Variants in ZNF727 observed in about 807,000 individuals in gnomAD.
ZNF727 encodes the protein putative zinc finger protein 727.
ZNF727 carries 11 observed loss-of-function variants against 11.5 expected under a neutral mutation model. The ratio of observed to expected loss-of-function variants is 0.95; its 90% confidence interval spans 0.60 to 1.58. The LOEUF is 1.58. Among genes scored for constraint, ZNF727 ranks in the 40% most tolerant of loss-of-function variants. The pLI, the probability that ZNF727 is intolerant of heterozygous loss-of-function variation, is 0.00. For missense variants in ZNF727, 533 were observed against 581.7 expected (o/e 0.92, Z 0.86); for synonymous variants, 171 against 196.1 (o/e 0.87, Z 1.07).
chr7:64,050,658 G>T (rs1423960008), intron 1 of ZNF727, among the ~76,000 whole-genome samples: 1 of 152,094 alleles, frequency 6.6e-6, no homozygotes, highest in Non-Finnish European at 1.5e-5. Context: ...GAAGAAACAG[G>T]CACATAGAGA....
At chr7:64,072,901 G>A (rs1328118629) in intron 3 of ZNF727, among the ~76,000 whole-genome samples, 4 of 151,928 alleles carry the variant, frequency 2.6e-5, no homozygotes, top group Admixed American at 2.0e-4. Flanking sequence ...GGGTCTCACC[G>A]TATCACCCAG....
rs181996889 is a variant in ZNF727 at position 64,080,138 on chromosome 7, T to C, written c.*1589T>C. ...ATCTCATGATTATGTATCTTGGGGA[T>C]GACCTTCTCGTGGGGTATATTATTG... On this transcript the variant is annotated 3_prime_UTR_variant, in exon 4 of 4. Coordinates refer to ENST00000456806, the MANE Select transcript of ZNF727 (RefSeq NM_001159522.3). Among the ~76,000 whole-genome samples, 87 of 152,280 alleles carry C rather than the reference T, an allele frequency of 5.7e-4. No individual in the cohort carries two copies. The highest frequency in any genetic ancestry group is 2.0e-3 in the African/African-American group (85 of 41,572).
rs117570381 is a variant in ZNF727, at chr7:64,078,755, C to T, written c.*206C>T. The stretch of plus-strand genomic sequence containing the variant: ...AGAGACCTTACAAATGTGAAGAATG[C>T]GGCAAAACCTGTGTTTCTCAGACCT... On this transcript the variant is annotated 3_prime_UTR_variant, in exon 4 of 4. Coordinates refer to ENST00000456806, the MANE Select transcript of ZNF727 (RefSeq NM_001159522.3). Among the ~76,000 whole-genome samples, 1,861 of 150,418 alleles carry T rather than the reference C, an allele frequency of 0.012. 55 individuals are homozygous for T. The highest frequency in any genetic ancestry group is 0.08 in the East Asian group (399 of 4,980).
rs192910512 is a variant in ZNF727, at chr7:64,066,521, C to T, written c.4-2370C>T. Reference sequence around the variant, plus strand: ...CGCATATCTGCAGCCATCTGATCTTCGATAAACCTGACAAAAACAAGCAAT... The same window carrying T: ...CGCATATCTGCAGCCATCTGATCTTTGATAAACCTGACAAAAACAAGCAAT... On this transcript the variant is annotated intron_variant, in intron 1 of 3. Transcript: ENST00000456806. 2.5e-3 allele frequency among the ~76,000 whole-genome samples: 377 copies of T among 152,052 alleles called. 1 individual carries two copies. Among genetic ancestry groups the T allele is most frequent in the African/African-American group, 8.3e-3 (343 of 41,496 alleles).
chr7:64,045,825 A>G (rs912563768), intron 1 of ZNF727, among the ~76,000 whole-genome samples: 5 of 152,120 alleles, frequency 3.3e-5, no homozygotes, highest in African/African-American at 1.2e-4. Flanking sequence ...TGTTTTGTCC[A>G]TAAACGCGAA....
At chr7:64,059,445 C>G (rs901271684) in intron 1 of ZNF727, among the ~76,000 whole-genome samples, 10 of 152,294 alleles carry the variant, frequency 6.6e-5, no homozygotes, top group African/African-American at 2.4e-4. Flanking sequence ...ACTTAACTTT[C>G]AGCTATGAAG....
chr7:64,059,119 A>AT (rs1584145340), intron 1 of ZNF727, among the ~76,000 whole-genome samples: 1 of 151,936 alleles, frequency 6.6e-6, no homozygotes, highest in East Asian at 1.9e-4. Context: ...TAATTTTTGT[A>AT]TTTTTAATAG....
At chr7:64,055,190 T>A (rs1789663519) in intron 1 of ZNF727, among the ~76,000 whole-genome samples, 1 of 152,148 alleles carries the variant, frequency 6.6e-6, no homozygotes, top group Admixed American at 6.5e-5. Flanking sequence ...AGGCTGAGGT[T>A]CGCGGATCAC....
At position 64,063,294 on chromosome 7, in the gene ZNF727, G is replaced by A. The variant is rs112361898; in HGVS notation, c.4-5597G>A. On this transcript the variant is annotated intron_variant, in intron 1 of 3. Coordinates refer to ENST00000456806, the MANE Select transcript of ZNF727 (RefSeq NM_001159522.3). ...AAGTATTCAAAGGGAATCGAGTGTT[G>A]TAATCTAAGTCTTTGATCATTGCAG... Among the ~76,000 whole-genome samples the A allele has an allele frequency of 4.7e-3, 718 of 152,230 alleles. 3 individuals are homozygous for A. Among genetic ancestry groups the A allele is most frequent in the African/African-American group, 0.017 (686 of 41,528 alleles).
chr7:64,069,635 G>A (rs1789928752), intron 3 of ZNF727, 26 bp downstream of exon 3: 2 of 1,510,954 alleles, frequency 1.3e-6, no homozygotes, highest in Non-Finnish European at 1.8e-6. Context: ...TGAAGCAAAT[G>A]ACATAAATGA....
At position 64,078,457 on chromosome 7, in the gene ZNF727, C is replaced by T; in HGVS notation, c.1408C>T (p.His470Tyr). ...TACCTGCTCCTCAAGCCTTATTAAA[C>T]ACAAGAGAAGTCATACTGGAGACAG... Reference protein sequence around the residue: ...TFTCSSSLIKHKRSHTGDRPT... With the variant: ...TFTCSSSLIKYKRSHTGDRPT... Residue 470 changes from histidine (H) to tyrosine (Y), a missense_variant, in exon 4 of 4, where the codon CAC (histidine) becomes TAC (tyrosine). By Grantham distance (83) the His-to-Tyr change is moderately conservative. Around this residue, in one of 3 missense-constraint regions of ZNF727, gnomAD observed 54 missense variants for 48.6 expected, o/e 1.11. Coordinates refer to ENST00000456806, the MANE Select transcript of ZNF727 (RefSeq NM_001159522.3). 3.2e-6 allele frequency: 5 copies of T among 1,574,180 alleles called. No homozygotes were observed. The highest frequency in any genetic ancestry group is 3.4e-6 in the Non-Finnish European group (4 of 1,159,456).
chr7:64,072,472 A>T lies in ZNF727; in HGVS notation c.226+2863A>T, dbSNP rs149484763. Among the ~76,000 whole-genome samples the T allele has an allele frequency of 3.6e-3, 542 of 152,172 alleles. 1 individual carries two copies. The highest frequency in any genetic ancestry group is 0.012 in the African/African-American group (516 of 41,536). ...TGTTTCTTACTGAGTATGTGGCAGG[A>T]TTTCCTCAGGTCACTCTCTGGGCAC... On this transcript the variant is annotated intron_variant, in intron 3 of 3. Coordinates refer to ENST00000456806, the MANE Select transcript of ZNF727 (RefSeq NM_001159522.3).
At position 64,062,685 on chromosome 7, in the gene ZNF727, A is replaced by AATAT. The variant is rs71057374; in HGVS notation, c.4-6191_4-6188dup. Among the ~76,000 whole-genome samples, 711 of 89,986 alleles carry AATAT rather than the reference A, an allele frequency of 7.9e-3. 68 individuals carry two copies. Among genetic ancestry groups the AATAT allele is most frequent in the South Asian group, 0.058 (165 of 2,832 alleles). The allele number at this position is 89,986 out of a possible 152,430, so 59.0% of individuals were successfully genotyped here. On this transcript the variant is annotated intron_variant, in intron 1 of 3. Coordinates refer to ENST00000456806, the MANE Select transcript of ZNF727 (RefSeq NM_001159522.3). ...GCATTCTATAACCTTCTTGTACTTG[A>AATAT]ATATATATATATATATATGAAGTTC...
intron 3 of ZNF727, among the ~76,000 whole-genome samples, chr7:64,070,115 G>A (rs1368805877): frequency 5.3e-5 from 8 of 151,934 alleles, no homozygotes; most frequent in Non-Finnish European, 1.2e-4. Flanking sequence ...ATTCTATGGA[G>A]GCTTCAAATG....
In ZNF727 at chr7:64,080,239, T is replaced by TA. The variant is rs1367054034; in HGVS notation, c.*1691dup. Among the ~76,000 whole-genome samples the TA allele has an allele frequency of 6.6e-6, 1 of 152,204 alleles. No individual in the cohort carries two copies. Among genetic ancestry groups the TA allele is most frequent in the Non-Finnish European group, 1.5e-5 (1 of 68,036 alleles). ...AATTCTCATGGATGGTATCCCGAAA[T>TA]ATGTATTTCAAGTTGTTTTCATTCT... On this transcript the variant is annotated 3_prime_UTR_variant, in exon 4 of 4. Transcript: ENST00000456806.
chr7:64,073,294 T>C (rs1007354063), intron 3 of ZNF727, among the ~76,000 whole-genome samples: 1 of 115,334 alleles, frequency 8.7e-6, no homozygotes, highest in Non-Finnish European at 1.9e-5. Context: ...GTTGATGTTT[T>C]TCAATTTTTT....
intron 3 of ZNF727, among the ~76,000 whole-genome samples, chr7:64,070,039 G>A (rs1432796541): frequency 5.3e-5 from 8 of 151,870 alleles, no homozygotes; most frequent in Non-Finnish European, 1.2e-4. Context: ...TGGTGATATT[G>A]CAATTTGGAT....
chr7:64,078,060 G>A lies in ZNF727; in HGVS notation c.1011G>A (p.Glu337=), dbSNP rs1157986307. ...LSQHNRIHTG[E]KPYICEECGK... is the part of the protein sequence containing the mutation. The stretch of plus-strand genomic sequence containing the variant: ...AACATAACAGAATTCATACTGGAGA[G>A]AAACCCTACATTTGTGAAGAATGTG... The change falls in exon 4 of 4, where the codon GAG becomes GAA. Residue 337 remains glutamate, a synonymous_variant. Coordinates refer to ENST00000456806, the MANE Select transcript of ZNF727 (RefSeq NM_001159522.3). 1 of 1,611,242 alleles carries A rather than the reference G, an allele frequency of 6.2e-7. No individual in the cohort carries two copies. The highest frequency in any genetic ancestry group is 1.1e-5 in the South Asian group (1 of 90,776).
intron 1 of ZNF727, among the ~76,000 whole-genome samples, chr7:64,065,311 A>G (rs1816700): frequency 0.62 from 94,492 of 151,970 alleles, 30,073 homozygotes; most frequent in Non-Finnish European, 0.68. Context: ...CCATATTCTC[A>G]TTGCTGCAGT....
Sources: allele counts gnomAD v4.1 joint callset (sites outside exome capture counted in the v4.1 genomes callset), GRCh38; gene constraint gnomAD v4.1.1; regional missense constraint gnomAD v4.1.1; transcripts MANE v1.5; gene names NCBI Gene and HGNC (gene_info 2026-07-23, HGNC 2026-07-21).